The following DISP1 variants were observed in gnomAD, a reference collection of about 807,000 sequenced individuals.
DISP1 encodes dispatched RND transporter family member 1.
A neutral mutation model predicts 37.3 loss-of-function variants in DISP1; 30 were observed. The observed-to-expected ratio is 0.80, with a 90% CI of 0.60 to 1.09. The LOEUF (loss-of-function observed/expected upper bound fraction) is 1.09. DISP1 is among the 50% of genes least tolerant of loss of function. The pLI, the probability that DISP1 is intolerant of heterozygous loss-of-function variation, is 0.00. For missense variants in DISP1, 1,598 were observed against 1,879.5 expected (o/e 0.85, Z 2.77); for synonymous variants, 634 against 690.2 (o/e 0.92, Z 1.28).
intron 1 of DISP1, among the ~76,000 whole-genome samples, chr1:222,923,093 TGAG>T (rs1558331221): frequency 6.6e-6 from 1 of 152,092 alleles, no homozygotes; most frequent in Non-Finnish European, 1.5e-5. Context: ...GTAAGTAGCC[TGAG>T]GACTAGCAGG....
At chr1:222,886,442 A>T (rs546915487) in intron 1 of DISP1, among the ~76,000 whole-genome samples, 2 of 152,200 alleles carry the variant, frequency 1.3e-5, no homozygotes, top group Non-Finnish European at 2.9e-5. Flanking sequence ...AAGCCAGCCA[A>T]ACTTATTTTC....
rs529490202 is a variant in DISP1, at chr1:222,834,582, A to G, written c.-159+19504A>G. On this transcript the variant is annotated intron_variant, in intron 1 of 8. Transcript: ENST00000675850. ...TGTCACAGACAGGTAGGGCACACTA[A>G]GCTTATACATGAAAATTCAGACTGC... Among the ~76,000 whole-genome samples the G allele has an allele frequency of 1.1e-4, 16 of 152,324 alleles. No individual in the cohort carries two copies. In the East Asian group the frequency reaches 2.1e-3, roughly 20 times the overall value.
intron 1 of DISP1, among the ~76,000 whole-genome samples, chr1:222,887,477 ATTGTTT>A (rs1412964642): frequency 5.5e-5 from 7 of 128,302 alleles, no homozygotes; most frequent in East Asian, 4.7e-4. Flanking sequence ...TAAATGTCAC[ATTGTTT>A]TTGTTTTTTT....
At chr1:222,925,812 C>T (rs1414373622) in intron 1 of DISP1, among the ~76,000 whole-genome samples, 1 of 152,168 alleles carries the variant, frequency 6.6e-6, no homozygotes, top group African/African-American at 2.4e-5. Context: ...GGGGATGGGA[C>T]TCAGGAATCT....
chr1:222,951,460 C>G (rs67146828), intron 3 of DISP1, among the ~76,000 whole-genome samples: 6 of 151,150 alleles, frequency 4.0e-5, no homozygotes, highest in African/African-American at 1.5e-4. Context: ...ATGTGCTGTA[C>G]CATGACATCC....
chr1:222,941,164 T>C (rs935924983), intron 2 of DISP1, among the ~76,000 whole-genome samples: 1 of 152,222 alleles, frequency 6.6e-6, no homozygotes, highest in African/African-American at 2.4e-5. Flanking sequence ...ATTAGTGCTC[T>C]TGCCGGTCAG....
chr1:222,998,495 A>T (rs1679226912), intron 8 of DISP1, among the ~76,000 whole-genome samples: 1 of 152,010 alleles, frequency 6.6e-6, no homozygotes, highest in Non-Finnish European at 1.5e-5. Context: ...TAATTCAGAC[A>T]TTGGTTTCCA....
At chr1:222,903,012 T>G (rs938637983) in intron 1 of DISP1, among the ~76,000 whole-genome samples, 1 of 151,970 alleles carries the variant, frequency 6.6e-6, no homozygotes, top group Admixed American at 6.5e-5. Context: ...GTATGTTTGT[T>G]GCGGCACTAT....
chr1:222,972,217 A>G lies in DISP1; in HGVS notation c.510-10863A>G, dbSNP rs573112871. Among the ~76,000 whole-genome samples the G allele has an allele frequency of 7.2e-5, 11 of 152,224 alleles. No individual in the cohort carries two copies. The South Asian group carries it at 2.3e-3, about 32-fold the overall frequency. Reference sequence around the variant, plus strand: ...ATGTCACCAGAATTATTTTCTTATAATGTCATATATATTTATGACAATAGA... The same window carrying G: ...ATGTCACCAGAATTATTTTCTTATAGTGTCATATATATTTATGACAATAGA... On this transcript the variant is annotated intron_variant, in intron 3 of 8. Coordinates refer to ENST00000675850, the MANE Select transcript of DISP1 (RefSeq NM_001377229.1).
intron 3 of DISP1, among the ~76,000 whole-genome samples, chr1:222,971,306 C>T (rs1676934112): frequency 1.5e-4 from 1 of 6,778 alleles, no homozygotes; most frequent in Non-Finnish European, 8.1e-3. Flanking sequence ...TCCTCCTGGC[C>T]TGTAAATGAA....
intron 1 of DISP1, among the ~76,000 whole-genome samples, chr1:222,922,765 G>A (rs2125443922): frequency 6.6e-6 from 1 of 152,166 alleles, no homozygotes; most frequent in East Asian, 1.9e-4. Context: ...ACATAAAGCA[G>A]AAAGTTCAAA....
At chr1:222,853,976 A>G (rs183382155) in intron 1 of DISP1, among the ~76,000 whole-genome samples, 2 of 152,352 alleles carry the variant, frequency 1.3e-5, no homozygotes, top group East Asian at 3.9e-4. Context: ...ATATGTATCA[A>G]AACATTACCA....
chr1:222,835,261 G>A (rs1351029960), intron 1 of DISP1: 2 of 152,008 alleles, frequency 1.3e-5, no homozygotes, highest in Non-Finnish European at 1.5e-5. Context: ...AATTTTACTT[G>A]GATTTTATTT....
intron 1 of DISP1, among the ~76,000 whole-genome samples, chr1:222,817,870 A>G (rs1247643242): frequency 6.6e-6 from 1 of 152,176 alleles, no homozygotes; most frequent in Non-Finnish European, 1.5e-5. Flanking sequence ...GCATGTAGTT[A>G]TGACTGTGAA....
intron 1 of DISP1, among the ~76,000 whole-genome samples, chr1:222,855,255 C>A (rs184923334): frequency 2.6e-5 from 4 of 152,218 alleles, no homozygotes; most frequent in Non-Finnish European, 5.9e-5. Context: ...CTGCCCCTCT[C>A]ACACAAACCT....
At chr1:222,944,941 G>A (rs1309875214) in intron 3 of DISP1, among the ~76,000 whole-genome samples, 1 of 152,150 alleles carries the variant, frequency 6.6e-6, no homozygotes, top group African/African-American at 2.4e-5. Flanking sequence ...ACTTCGGGAG[G>A]TTGAGGTGGA....
chr1:222,945,351 T>G (rs2125499732), intron 3 of DISP1, among the ~76,000 whole-genome samples: 1 of 152,360 alleles, frequency 6.6e-6, no homozygotes, highest in East Asian at 1.9e-4. Context: ...TTAGACTCTT[T>G]CCATTTTGAA....
At chr1:222,973,290 A>G (rs1677085545) in intron 3 of DISP1, among the ~76,000 whole-genome samples, 1 of 152,136 alleles carries the variant, frequency 6.6e-6, no homozygotes, top group African/African-American at 2.4e-5. Flanking sequence ...GCAAAATGAA[A>G]CTCACTTTTT....
chr1:222,955,171 C>G (rs1335354665), intron 3 of DISP1, among the ~76,000 whole-genome samples: 2 of 151,998 alleles, frequency 1.3e-5, no homozygotes, highest in Non-Finnish European at 2.9e-5. Context: ...ACTGCAACCT[C>G]TGCCTCCTGA....
Sources: allele counts gnomAD v4.1 joint callset (sites outside exome capture counted in the v4.1 genomes callset), GRCh38; gene constraint gnomAD v4.1.1; transcripts MANE v1.5; gene names NCBI Gene and HGNC (gene_info 2026-07-23, HGNC 2026-07-21).